The following SLIT3 variants were observed in gnomAD, a reference collection of about 807,000 sequenced individuals.
SLIT3 encodes slit homolog 3 protein.
A neutral mutation model predicts 184.0 loss-of-function variants in SLIT3; 68 were observed. That is an observed-to-expected ratio of 0.37 (90% CI 0.30 to 0.45). The LOEUF is 0.45. Among genes scored for constraint, SLIT3 ranks in the 20% least tolerant of loss-of-function variants. The pLI is 1.00. For missense variants in SLIT3, 1,707 were observed against 2,026.0 expected (o/e 0.84, Z 3.02); for synonymous variants, 831 against 828.6 (o/e 1.00, Z -0.05).
At chr5:168,669,658 A>G in intron 35 of SLIT3, 125 bp downstream of exon 35, 1 of 729,854 alleles carries the variant, frequency 1.4e-6, no homozygotes. Context: ...TGAGGCTCAG[A>G]AAGTGACTGA....
chr5:169,188,416 G>A (rs1042986032), intron 4 of SLIT3, among the ~76,000 whole-genome samples: 1 of 152,180 alleles, frequency 6.6e-6, no homozygotes, highest in Non-Finnish European at 1.5e-5. Context: ...GGCAAAGGGA[G>A]AAATTAATAG....
At chr5:169,224,037 G>C (rs188117938) in intron 3 of SLIT3, among the ~76,000 whole-genome samples, 3 of 152,130 alleles carry the variant, frequency 2.0e-5, no homozygotes, top group Non-Finnish European at 2.9e-5. Context: ...AAGATACATC[G>C]GATTAGGAAA....
In SLIT3 at chr5:169,099,765, G is replaced by T. The variant is rs537591845; in HGVS notation, c.413+93714C>A. Among the ~76,000 whole-genome samples the T allele has an allele frequency of 9.2e-5, 14 of 152,080 alleles. No individual in the cohort carries two copies. The East Asian group carries it at 2.5e-3, about 27-fold the overall frequency. ...CTGGCGAGGTGGTCAGGTAAGGGGAGGATGGTAACACAGTGTGACAAGTGC... is the reference window on the plus strand; with the variant it reads ...CTGGCGAGGTGGTCAGGTAAGGGGATGATGGTAACACAGTGTGACAAGTGC... On this transcript the variant is annotated intron_variant, in intron 4 of 35. Coordinates refer to ENST00000519560, the MANE Select transcript of SLIT3 (RefSeq NM_003062.4).
chr5:169,076,135 G>A (rs1426081316), intron 4 of SLIT3, among the ~76,000 whole-genome samples: 1 of 152,222 alleles, frequency 6.6e-6, no homozygotes, highest in Admixed American at 6.5e-5. Flanking sequence ...TGGGCCTGGT[G>A]GTGACTCCTG....
intron 17 of SLIT3, 73 bp from the exon 18 acceptor site, chr5:168,753,171 T>A: frequency 4.0e-6 from 6 of 1,502,182 alleles, no homozygotes; most frequent in Non-Finnish European, 4.6e-6. Flanking sequence ...CACGGTGGTG[T>A]GTGTGTGTGT....
chr5:168,680,397 C>T (rs917812324), intron 32 of SLIT3, among the ~76,000 whole-genome samples: 1 of 152,234 alleles, frequency 6.6e-6, no homozygotes, highest in Non-Finnish European at 1.5e-5. Context: ...TGCAGATGAA[C>T]AACATCAGGC....
At chr5:169,057,623 G>A (rs1758046640) in intron 4 of SLIT3, among the ~76,000 whole-genome samples, 1 of 152,202 alleles carries the variant, frequency 6.6e-6, no homozygotes, top group Admixed American at 6.5e-5. Context: ...GGGATATGCT[G>A]GGGTCTGGAC....
At chr5:168,937,300 A>G (rs952146682) in intron 4 of SLIT3, among the ~76,000 whole-genome samples, 4 of 152,054 alleles carry the variant, frequency 2.6e-5, no homozygotes, top group Admixed American at 2.6e-4. Flanking sequence ...AGAAGGTAAA[A>G]CCATTAAAGT....
intron 4 of SLIT3, among the ~76,000 whole-genome samples, chr5:168,892,546 G>C (rs1760507736): frequency 6.6e-6 from 1 of 152,208 alleles, no homozygotes; most frequent in Non-Finnish European, 1.5e-5. Context: ...ATCAGTCAAG[G>C]TTGAAAGCCC....
At chr5:169,221,409 T>C (rs190860941) in intron 3 of SLIT3, among the ~76,000 whole-genome samples, 3 of 152,312 alleles carry the variant, frequency 2.0e-5, no homozygotes, top group Non-Finnish European at 4.4e-5. Context: ...GTGGACATGA[T>C]GTATCAGTGT....
At chr5:168,672,657 A>G (rs1327292364) in intron 33 of SLIT3, among the ~76,000 whole-genome samples, 1 of 152,064 alleles carries the variant, frequency 6.6e-6, no homozygotes, top group African/African-American at 2.4e-5. Context: ...AATATTTTGT[A>G]GAGATGAGGT....
At chr5:168,983,076 G>A (rs1755004945) in intron 4 of SLIT3, among the ~76,000 whole-genome samples, 1 of 152,116 alleles carries the variant, frequency 6.6e-6, no homozygotes. Flanking sequence ...AGGCAAGAAG[G>A]GGTCATACTG....
At chr5:169,070,063 A>G (rs1246691178) in intron 4 of SLIT3, among the ~76,000 whole-genome samples, 2 of 152,114 alleles carry the variant, frequency 1.3e-5, no homozygotes, top group African/African-American at 2.4e-5. Context: ...ATGAAAAGTG[A>G]TATTTGGAAG....
chr5:168,669,579 T>C (rs1761170924), intron 35 of SLIT3, among the ~76,000 whole-genome samples: 1 of 152,210 alleles, frequency 6.6e-6, no homozygotes. Context: ...TGGGGCTAAG[T>C]TGTTATGCAG....
chr5:168,907,935 ATTATACGTG>A (rs1266098380), intron 4 of SLIT3, among the ~76,000 whole-genome samples: 12,963 of 81,440 alleles, frequency 0.16, 820 homozygotes, highest in East Asian at 0.34. Context: ...TTATATATAT[ATTATACGTG>A]TATATATATA....
chr5:168,957,280 G>A (rs1762858104), intron 4 of SLIT3, among the ~76,000 whole-genome samples: 1 of 151,468 alleles, frequency 6.6e-6, no homozygotes, highest in Admixed American at 6.6e-5. Context: ...TGGCCAGGGT[G>A]GTCTTGAACT....
chr5:168,905,027 A>G (rs1760998917), intron 4 of SLIT3, among the ~76,000 whole-genome samples: 1 of 152,058 alleles, frequency 6.6e-6, no homozygotes, highest in Non-Finnish European at 1.5e-5. Flanking sequence ...AAAATAAGAA[A>G]TTAGCTGGGC....
At chr5:168,711,284 C>T (rs971456661) in intron 24 of SLIT3, among the ~76,000 whole-genome samples, 6 of 152,212 alleles carry the variant, frequency 3.9e-5, no homozygotes, top group Non-Finnish European at 7.3e-5. Context: ...ACTTCTGAGG[C>T]GTGGCTCTCA....
At chr5:169,135,965 C>T (rs777169825) in intron 4 of SLIT3, among the ~76,000 whole-genome samples, 2 of 152,236 alleles carry the variant, frequency 1.3e-5, no homozygotes, top group Non-Finnish European at 2.9e-5. Context: ...TTACAGATCA[C>T]TTCTCTATAT....
Sources: gnomAD v4.1 joint callset for allele counts (sites outside exome capture counted in the v4.1 genomes callset) on GRCh38, gnomAD v4.1.1 for gene constraint, MANE v1.5 for transcripts, NCBI Gene and HGNC (gene_info 2026-07-23, HGNC 2026-07-21) for gene names.